PRKCA: variants seen among roughly 807,000 people sequenced by gnomAD.
PRKCA encodes protein kinase C alpha, also known as protein kinase C alpha type.
Under a neutral mutation model 87.0 loss-of-function variants are expected in PRKCA, and 27 were observed. The ratio of observed to expected loss-of-function variants is 0.31; its 90% CI spans 0.23 to 0.43. The LOEUF (loss-of-function observed/expected upper bound fraction) is 0.43. PRKCA is among the 20% of genes least tolerant of loss of function. PRKCA has a pLI of 1.00. For synonymous variants in PRKCA, 329 were observed against 311.1 expected (o/e 1.06, Z -0.61); for missense variants, 518 against 852.3 (o/e 0.61, Z 4.88).
chr17:66,520,639 C>G (rs1459629915), intron 3 of PRKCA, among the ~76,000 whole-genome samples: 6 of 151,652 alleles, frequency 4.0e-5, no homozygotes, highest in Admixed American at 3.3e-4. Flanking sequence ...AAAGGTAATG[C>G]AGTTAGCAAC....
At chr17:66,723,920 C>T (rs764959813) in intron 8 of PRKCA, among the ~76,000 whole-genome samples, 2 of 152,028 alleles carry the variant, frequency 1.3e-5, no homozygotes, top group African/African-American at 2.4e-5. Flanking sequence ...CCAGAGTTGC[C>T]CACTGGTTTT....
chr17:66,590,089 A>G (rs745351051), intron 3 of PRKCA, among the ~76,000 whole-genome samples: 3 of 152,132 alleles, frequency 2.0e-5, no homozygotes, highest in South Asian at 4.1e-4. Context: ...GCACCGGTCC[A>G]TGGCCTGGGG....
intron 5 of PRKCA, among the ~76,000 whole-genome samples, chr17:66,676,108 C>A (rs1220795646): frequency 6.6e-6 from 1 of 152,110 alleles, no homozygotes; most frequent in South Asian, 2.1e-4. Flanking sequence ...TGACTTGTGG[C>A]GACGTGAGGG....
intron 16 of PRKCA, among the ~76,000 whole-genome samples, chr17:66,794,352 G>T (rs945234120): frequency 6.6e-6 from 1 of 152,110 alleles, no homozygotes; most frequent in African/African-American, 2.4e-5. Flanking sequence ...ACACAATCGG[G>T]GTTCCTTTTC....
At chr17:66,445,150 C>G (rs932328539) in intron 2 of PRKCA, among the ~76,000 whole-genome samples, 3 of 152,206 alleles carry the variant, frequency 2.0e-5, no homozygotes, top group East Asian at 1.9e-4. Context: ...AGCTATCCCC[C>G]CTACGGTGGG....
At chr17:66,393,526 G>A (rs758576529) in intron 2 of PRKCA, among the ~76,000 whole-genome samples, 1 of 152,184 alleles carries the variant, frequency 6.6e-6, no homozygotes, top group African/African-American at 2.4e-5. Context: ...ACGGCCTGTC[G>A]TTTCCTGACG....
At chr17:66,412,913 G>A (rs1007845946) in intron 2 of PRKCA, among the ~76,000 whole-genome samples, 2 of 152,108 alleles carry the variant, frequency 1.3e-5, no homozygotes, top group Non-Finnish European at 2.9e-5. Flanking sequence ...GAACCGAGGC[G>A]TTCTTCCTAC....
At chr17:66,568,679 A>G (rs1352022844) in intron 3 of PRKCA, among the ~76,000 whole-genome samples, 1 of 152,200 alleles carries the variant, frequency 6.6e-6, no homozygotes, top group South Asian at 2.1e-4. Flanking sequence ...ATGACATTAT[A>G]ATCATTTAAT....
chr17:66,348,433 C>T (rs1034246067), intron 2 of PRKCA, among the ~76,000 whole-genome samples: 5 of 152,142 alleles, frequency 3.3e-5, no homozygotes, highest in African/African-American at 9.7e-5. Flanking sequence ...TCAGTGCAAA[C>T]GTCAACACAA....
At chr17:66,478,986 C>T (rs955469306) in intron 2 of PRKCA, among the ~76,000 whole-genome samples, 29 of 152,136 alleles carry the variant, frequency 1.9e-4, no homozygotes, top group African/African-American at 5.3e-4. Context: ...ATGACGAAGA[C>T]GCCAAAAGCA....
intron 3 of PRKCA, among the ~76,000 whole-genome samples, chr17:66,534,127 T>G (rs1967676720): frequency 1.4e-5 from 2 of 138,942 alleles, no homozygotes; most frequent in Admixed American, 7.6e-5. Context: ...CCTTGACCAC[T>G]TTCTTCCCAA....
At chr17:66,419,601 G>A (rs900952102) in intron 2 of PRKCA, among the ~76,000 whole-genome samples, 3 of 152,102 alleles carry the variant, frequency 2.0e-5, no homozygotes, top group Non-Finnish European at 2.9e-5. Context: ...ACATCAAAAT[G>A]CCCATATTGT....
intron 3 of PRKCA, among the ~76,000 whole-genome samples, chr17:66,602,533 G>C (rs1347493960): frequency 6.6e-6 from 1 of 152,108 alleles, no homozygotes; most frequent in African/African-American, 2.4e-5. Context: ...CGTCTTCTGC[G>C]TCGCTCACGC....
At chr17:66,625,752 T>A (rs545654517) in intron 3 of PRKCA, among the ~76,000 whole-genome samples, 1 of 152,344 alleles carries the variant, frequency 6.6e-6, no homozygotes, top group Admixed American at 6.5e-5. Flanking sequence ...GATGTGCCAT[T>A]GGTTCAGCGT....
intron 2 of PRKCA, among the ~76,000 whole-genome samples, chr17:66,359,281 G>A (rs916187262): frequency 2.0e-5 from 3 of 152,020 alleles, no homozygotes; most frequent in South Asian, 4.1e-4. Context: ...CCACAGACAC[G>A]CGTCACTTTA....
chr17:66,593,441 A>G (rs1439555457), intron 3 of PRKCA, among the ~76,000 whole-genome samples: 1 of 152,214 alleles, frequency 6.6e-6, no homozygotes, highest in Non-Finnish European at 1.5e-5. Context: ...TAAGCATCAC[A>G]GCACTCTGTG....
rs112703457 is a variant in PRKCA, at chr17:66,718,938, C to T, written c.919-13750C>T. On this transcript the variant is annotated intron_variant, in intron 8 of 16. Transcript: ENST00000413366. ...AACCCAAAAGAAACCAAGAGCCTGC[C>T]TTCAGGAATTAGGCTGCCTTGACTC... Among the ~76,000 whole-genome samples the T allele has an allele frequency of 2.4e-3, 364 of 152,290 alleles. 4 individuals carry two copies. The highest frequency in any genetic ancestry group is 0.02 in the Middle Eastern group (6 of 294).
chr17:66,586,473 A>C (rs1198910183), intron 3 of PRKCA, among the ~76,000 whole-genome samples: 1 of 152,256 alleles, frequency 6.6e-6, no homozygotes, highest in African/African-American at 2.4e-5. Context: ...CAAAAGACAC[A>C]GAGCATGCAA....
intron 3 of PRKCA, among the ~76,000 whole-genome samples, chr17:66,587,659 GTATA>G (rs1049022452): frequency 2.0e-5 from 3 of 149,026 alleles, no homozygotes; most frequent in Admixed American, 1.3e-4. Flanking sequence ...ATATGTGTGT[GTATA>G]TATACATATA....
Sources: gnomAD v4.1 joint callset for allele counts (sites outside exome capture counted in the v4.1 genomes callset) on GRCh38, gnomAD v4.1.1 for gene constraint, MANE v1.5 for transcripts, NCBI Gene and HGNC (gene_info 2026-07-23, HGNC 2026-07-21) for gene names.